Variants in CEP72 observed in about 807,000 individuals in gnomAD.
CEP72 encodes the protein centrosomal protein of 72 kDa.
CEP72 carries 78 observed loss-of-function variants against 65.7 expected under a neutral mutation model. That is an observed-to-expected ratio of 1.19 (90% CI 0.99 to 1.43). CEP72 has a LOEUF of 1.43. CEP72 is among the 40% of genes most tolerant of loss of function. The pLI is 0.00. For missense variants in CEP72, 914 were observed against 832.9 expected (o/e 1.10, Z -1.20); for synonymous variants, 358 against 351.7 (o/e 1.02, Z -0.20).
At chr5:654,841 T>C (rs73734347), downstream of CEP72, among the ~76,000 whole-genome samples, 1,430 of 115,392 alleles carry the variant, frequency 0.012, 30 homozygotes, top group African/African-American at 0.035. Context: ...CACTTCTTCC[T>C]CCCTGTCCCC....
downstream of CEP72, chr5:656,954 G>C (rs1024721358): frequency 6.6e-6 from 1 of 152,086 alleles, no homozygotes; most frequent in African/African-American, 2.4e-5. Flanking sequence ...TTCGCCTCAA[G>C]AATGGATGAC....
chr5:651,520 C>T (rs1188196656), intron 11 of CEP72, among the ~76,000 whole-genome samples: 1 of 151,974 alleles, frequency 6.6e-6, no homozygotes, highest in Admixed American at 6.6e-5. Flanking sequence ...GCTGTGCTTC[C>T]CCCTTCACTG....
chr5:620,368 C>A, intron 3 of CEP72, 107 bp downstream of exon 3: 1 of 991,994 alleles, frequency 1.0e-6, no homozygotes, highest in African/African-American at 1.6e-5. Flanking sequence ...TTGATTCCTT[C>A]TGGAACGGGG....
chr5:674,233 G>T, the CEP72 span, among the ~76,000 whole-genome samples: 1 of 152,224 alleles, frequency 6.6e-6, no homozygotes, highest in Non-Finnish European at 1.5e-5. Context: ...GGCACCCAGG[G>T]ACTCGTCCCA....
chr5:669,604 G>A (rs566481096), downstream of CEP72, among the ~76,000 whole-genome samples: 65 of 152,276 alleles, frequency 4.3e-4, no homozygotes, highest in Non-Finnish European at 7.6e-4. Flanking sequence ...GCTGAGGCAC[G>A]CAGCCCTTTC....
the CEP72 span, among the ~76,000 whole-genome samples, chr5:673,067 G>A: frequency 6.6e-6 from 1 of 152,104 alleles, no homozygotes; most frequent in East Asian, 1.9e-4. Context: ...CAGTACCGAA[G>A]GCCACTTCCT....
At chr5:640,273 C>T in intron 8 of CEP72, 135 bp from the exon 9 acceptor site, 1 of 1,210,386 alleles carries the variant, frequency 8.3e-7, no homozygotes, top group East Asian at 2.5e-5. Context: ...GTGGCGCCAA[C>T]ACCCCTTTCC....
intron 1 of CEP72, chr5:662,406 C>G (rs934094330): frequency 1.3e-5 from 2 of 152,498 alleles, no homozygotes; most frequent in Non-Finnish European, 2.9e-5. Flanking sequence ...AGGCAGCGTC[C>G]TGGTGCCCAG....
chr5:625,334 A>AT (rs1357662742), intron 4 of CEP72, among the ~76,000 whole-genome samples: 1 of 151,886 alleles, frequency 6.6e-6, no homozygotes, highest in Non-Finnish European at 1.5e-5. Flanking sequence ...TAATCAAATC[A>AT]TTTTTTTTCT....
chr5:646,613 C>T (rs930028443), intron 10 of CEP72, among the ~76,000 whole-genome samples: 1 of 152,178 alleles, frequency 6.6e-6, no homozygotes, highest in Non-Finnish European at 1.5e-5. Context: ...GGTGCAGGCT[C>T]TGTTCTAGAA....
At chr5:661,008 A>C (rs1349219477), downstream of CEP72, 1 of 152,276 alleles carries the variant, frequency 6.6e-6, no homozygotes, top group Non-Finnish European at 1.5e-5. Flanking sequence ...TATTTTAAAC[A>C]TATAATTTGA....
Position 620,188 on chromosome 5 carries a change from G to T in CEP72, c.330G>T (p.Leu110=). The part of the protein sequence containing the change: ...LTELVDVDFR[L]NPVVKVEPDY... Reference sequence around the variant, plus strand: ...AGCTCGTGGATGTGGACTTCCGGCTGAACCCCGTGGTGAAGGTTGAGCCTG... The same window carrying T: ...AGCTCGTGGATGTGGACTTCCGGCTTAACCCCGTGGTGAAGGTTGAGCCTG... The change falls in exon 3 of 12, where the codon CTG becomes CTT. Residue 110 remains leucine, a synonymous_variant. Transcript: ENST00000264935. 6.2e-7 allele frequency: 1 copy of T among 1,614,204 alleles called. No homozygotes were observed. The highest frequency in any genetic ancestry group is 8.5e-7 in the Non-Finnish European group (1 of 1,180,038).
intron 4 of CEP72, among the ~76,000 whole-genome samples, chr5:666,615 C>T (rs1322490718): frequency 6.6e-6 from 1 of 151,406 alleles, no homozygotes; most frequent in East Asian, 1.9e-4. Context: ...CTCAGATGCC[C>T]TGGCTCCAAA....
downstream of CEP72, chr5:657,131 T>A (rs924039639): frequency 3.3e-5 from 5 of 152,334 alleles, no homozygotes; most frequent in Admixed American, 3.3e-4. Context: ...ATTGTTATAT[T>A]TGGTTTGTTA....
At chr5:664,842 A>T in intron 2 of CEP72, 1 of 505,618 alleles carries the variant, frequency 2.0e-6, no homozygotes, top group Non-Finnish European at 3.6e-6. Flanking sequence ...TCCGCGAGAC[A>T]CTTTGGAAAT....
Position 641,064 on chromosome 5 carries a change from T to G in CEP72, c.1539+460T>G, listed in dbSNP as rs566014466. Reference sequence around the variant, plus strand: ...GAAAACCTGCATTTATCACCTTGGATTTCTGTGTATTGGGCCTCAGGCTCA... The same window carrying G: ...GAAAACCTGCATTTATCACCTTGGAGTTCTGTGTATTGGGCCTCAGGCTCA... On this transcript the variant is annotated intron_variant, in intron 9 of 11. Transcript: ENST00000264935. 15 of 985,428 alleles carry G rather than the reference T, an allele frequency of 1.5e-5. No individual in the cohort carries two copies. The African/African-American group carries it at 2.1e-4, about 14-fold the overall frequency. 61.0% of individuals were successfully genotyped at this position (985,428 alleles called of 1,614,324 possible).
intron 9 of CEP72, chr5:641,971 C>T (rs1387717172): frequency 3.3e-6 from 3 of 913,468 alleles, no homozygotes; most frequent in Non-Finnish European, 3.8e-6. Context: ...CGTGGTCCCC[C>T]GTCTAGAAGC....
At chr5:639,890 A>G (rs77831725) in intron 8 of CEP72, among the ~76,000 whole-genome samples, 2,385 of 152,228 alleles carry the variant, frequency 0.016, 29 homozygotes, top group Non-Finnish European at 0.025. Context: ...TGCGCCTTGC[A>G]GTGTTATAGC....
chr5:648,831 TGACTGTGAGGTGTG>T (rs1738652654), intron 11 of CEP72, among the ~76,000 whole-genome samples: 2 of 107,806 alleles, frequency 1.9e-5, no homozygotes, highest in African/African-American at 4.1e-5. Context: ...CTGTGAGGTG[TGACTGTGAGGTGTG>T]GACTGTGAGG....
Sources: gnomAD v4.1 joint callset for allele counts (sites outside exome capture counted in the v4.1 genomes callset) on GRCh38, gnomAD v4.1.1 for gene constraint, MANE v1.5 for transcripts, NCBI Gene and HGNC (gene_info 2026-07-23, HGNC 2026-07-21) for gene names.